IQSEC1: variants seen among roughly 807,000 people sequenced by gnomAD.
The protein encoded by IQSEC1 is IQ motif and SEC7 domain-containing protein 1.
IQSEC1 carries 31 observed loss-of-function variants against 91.0 expected under a neutral mutation model. The observed-to-expected ratio is 0.34, with a 90% CI of 0.26 to 0.46. IQSEC1 has a LOEUF of 0.46. Among genes scored for constraint, IQSEC1 ranks in the 20% least tolerant of loss-of-function variants. The pLI is 1.00. For synonymous variants in IQSEC1, 699 were observed against 662.6 expected (o/e 1.05, Z -0.84); for missense variants, 1,388 against 1,575.6 (o/e 0.88, Z 2.02).
intron 1 of IQSEC1, among the ~76,000 whole-genome samples, chr3:13,244,316 C>T (rs1245217922): frequency 2.6e-5 from 4 of 152,200 alleles, no homozygotes; most frequent in Admixed American, 2.6e-4. Context: ...CTTCAGCCTC[C>T]TTAGCAACTG....
intron 6 of IQSEC1, 122 bp downstream of exon 6, chr3:12,920,308 G>T: frequency 1.0e-6 from 1 of 969,716 alleles, no homozygotes; most frequent in Non-Finnish European, 1.6e-6. Flanking sequence ...GCCAGACCCT[G>T]GAGTGCCGGA....
At chr3:12,986,455 A>G (rs1406673307) in intron 1 of IQSEC1, among the ~76,000 whole-genome samples, 4 of 152,250 alleles carry the variant, frequency 2.6e-5, no homozygotes. Flanking sequence ...TGTGAGCCTC[A>G]GTTTCCTCAT....
intron 1 of IQSEC1, among the ~76,000 whole-genome samples, chr3:13,028,554 C>T (rs1021325043): frequency 2.0e-5 from 3 of 152,154 alleles, no homozygotes; most frequent in Non-Finnish European, 2.9e-5. Context: ...AGAGCCAGAC[C>T]CTAGAACTGG....
At chr3:12,988,422 T>A (rs1701842046) in intron 1 of IQSEC1, among the ~76,000 whole-genome samples, 1 of 151,364 alleles carries the variant, frequency 6.6e-6, no homozygotes, top group Non-Finnish European at 1.5e-5. Context: ...CTCAAAAAAA[T>A]AAAAATAAAA....
At chr3:12,916,061 C>T (rs1305163505) in intron 6 of IQSEC1, among the ~76,000 whole-genome samples, 7 of 152,200 alleles carry the variant, frequency 4.6e-5, no homozygotes, top group Non-Finnish European at 8.8e-5. Context: ...CATCTCCATT[C>T]CACAGATGGG....
At chr3:12,925,148 C>T (rs1488966143) in intron 3 of IQSEC1, among the ~76,000 whole-genome samples, 1 of 152,222 alleles carries the variant, frequency 6.6e-6, no homozygotes, top group Non-Finnish European at 1.5e-5. Context: ...TGGCCCCAAA[C>T]TCCCGCACAC....
chr3:13,152,575 T>A (rs559231547), intron 2 of IQSEC1, among the ~76,000 whole-genome samples: 6 of 152,264 alleles, frequency 3.9e-5, no homozygotes, highest in African/African-American at 1.2e-4. Context: ...AAATCCAAAT[T>A]TGTTCTTGGT....
intron 1 of IQSEC1, among the ~76,000 whole-genome samples, chr3:12,954,737 C>T (rs1699790105): frequency 6.6e-6 from 1 of 152,232 alleles, no homozygotes. Context: ...GGGCTGGGCA[C>T]ATGGCAGGCG....
In IQSEC1 at chr3:12,992,006, C is replaced by G. The variant is rs1367816565; in HGVS notation, c.24-50141G>C. Among the ~76,000 whole-genome samples the G allele has an allele frequency of 6.6e-6, 1 of 152,108 alleles. No homozygotes were observed. The highest frequency in any genetic ancestry group is 1.5e-5 in the Non-Finnish European group (1 of 68,020). ...CCAAGATTACCTAATGTTTGCAAAC[C>G]GTGCAGGAGACAGTCCCCTGCAGAG... On this transcript the variant is annotated intron_variant, in intron 1 of 13. Transcript: ENST00000613206. The surrounding 1 kb of genome is among the most constrained non-coding windows in gnomAD (Gnocchi z 4.1).
intron 1 of IQSEC1, among the ~76,000 whole-genome samples, chr3:13,196,392 G>A (rs1385762182): frequency 6.6e-6 from 1 of 152,186 alleles, no homozygotes; most frequent in Non-Finnish European, 1.5e-5. Flanking sequence ...AACGCATGAA[G>A]CCTGCTGTTC....
At chr3:13,024,324 CCCAT>C (rs1236033800) in intron 1 of IQSEC1, among the ~76,000 whole-genome samples, 1 of 152,062 alleles carries the variant, frequency 6.6e-6, no homozygotes, top group Admixed American at 6.5e-5. Flanking sequence ...CCCTCATCCA[CCCAT>C]CCATCCATCT....
intron 1 of IQSEC1, among the ~76,000 whole-genome samples, chr3:12,988,808 C>T (rs183757086): frequency 3.2e-4 from 49 of 152,214 alleles, no homozygotes; most frequent in African/African-American, 1.1e-3. Context: ...TGACAGGTGA[C>T]CACATTTAAA....
At chr3:13,176,550 T>C (rs944066970) in intron 1 of IQSEC1, among the ~76,000 whole-genome samples, 3 of 152,142 alleles carry the variant, frequency 2.0e-5, no homozygotes, top group African/African-American at 4.8e-5. Context: ...AGATCATCAG[T>C]TCCCCCTCCT....
At chr3:12,904,413 G>A (rs893791559) in intron 12 of IQSEC1, among the ~76,000 whole-genome samples, 7 of 152,266 alleles carry the variant, frequency 4.6e-5, no homozygotes, top group African/African-American at 7.2e-5. Flanking sequence ...CTGAAGACTA[G>A]GACAGCCAAG....
Position 12,935,384 on chromosome 3 carries a change from G to T in IQSEC1, c.1568+64C>A. The T allele has an allele frequency of 6.7e-7, 1 of 1,499,728 alleles. No individual in the cohort carries two copies. Among genetic ancestry groups the T allele is most frequent in the South Asian group, 1.2e-5 (1 of 81,402 alleles). The allele number at this position is 1,499,728 out of a possible 1,614,324, so 92.9% of individuals were successfully genotyped here. A position where few individuals can be genotyped will look rare whatever the true frequency, so the allele number is the denominator to read the frequency against. Reference sequence around the variant, plus strand: ...TCCGTGCTTGGAAGGATGCAGCCACGCCCACCCGCCAAGGCCCAGCAAGCC... The same window carrying T: ...TCCGTGCTTGGAAGGATGCAGCCACTCCCACCCGCCAAGGCCCAGCAAGCC... On this transcript the variant is annotated intron_variant, in intron 3 of 13. Transcript: ENST00000613206. The surrounding 1 kb of genome is among the most constrained non-coding windows in gnomAD (Gnocchi z 8.0).
chr3:13,244,490 G>C (rs1695075570), intron 1 of IQSEC1, among the ~76,000 whole-genome samples: 1 of 152,192 alleles, frequency 6.6e-6, no homozygotes, highest in South Asian at 2.1e-4. Context: ...CTTGCAAATA[G>C]TGGTGCTAAA....
Position 12,913,565 on chromosome 3 carries a change from G to T in IQSEC1, c.2191-12C>A. ...GGCAGAGAGAGCACCTGTGTGGGAAGAGGCTGTCCTGCCACGGCCGCCCAG... is the reference window on the plus strand; with the variant it reads ...GGCAGAGAGAGCACCTGTGTGGGAATAGGCTGTCCTGCCACGGCCGCCCAG... On this transcript the variant is annotated splice_polypyrimidine_tract_variant and intron_variant, in intron 8 of 13. Transcript: ENST00000613206. 1 of 1,599,254 alleles carries T rather than the reference G, an allele frequency of 6.3e-7. No individual in the cohort carries two copies. The highest frequency in any genetic ancestry group is 1.1e-5 in the South Asian group (1 of 90,504).
In IQSEC1 at chr3:12,938,713, C is replaced by T. The variant is rs375441429; in HGVS notation, c.319-2016G>A. Among the ~76,000 whole-genome samples, 11 of 152,038 alleles carry T rather than the reference C, an allele frequency of 7.2e-5. No homozygotes were observed. In the South Asian group the frequency reaches 1.5e-3, roughly 20 times the overall value. On this transcript the variant is annotated intron_variant, in intron 2 of 13. Coordinates refer to ENST00000613206, the MANE Select transcript of IQSEC1 (RefSeq NM_001134382.3). Reference sequence around the variant, plus strand: ...CTGTACTTTGTGGGCGGCACAAGTACGAGGACCTCCAGCTCAGGCCTAGAG... The same window carrying T: ...CTGTACTTTGTGGGCGGCACAAGTATGAGGACCTCCAGCTCAGGCCTAGAG...
intron 1 of IQSEC1, among the ~76,000 whole-genome samples, chr3:13,264,590 T>A (rs1242900344): frequency 6.6e-6 from 1 of 152,048 alleles, no homozygotes. Flanking sequence ...CCTGGGGGAC[T>A]GGCTTGGCAT....
Sources: allele counts gnomAD v4.1 joint callset (sites outside exome capture counted in the v4.1 genomes callset), GRCh38; gene constraint gnomAD v4.1.1; non-coding constraint Gnocchi (gnomAD v3.1); transcripts MANE v1.5; gene names NCBI Gene and HGNC (gene_info 2026-07-23, HGNC 2026-07-21).